The following C9orf72 variants were observed in gnomAD, a reference collection of about 807,000 sequenced individuals.
The protein encoded by C9orf72 is C9orf72-SMCR8 complex subunit.
In C9orf72, 44 loss-of-function variants were observed where a neutral mutation model predicts 51.6. The ratio of observed to expected loss-of-function variants is 0.85; its 90% CI spans 0.67 to 1.10. C9orf72 has a LOEUF of 1.10. Ranked by LOEUF, C9orf72 falls within the 50% of genes least tolerant of loss-of-function variation. The pLI is 0.00. For missense variants in C9orf72, 607 were observed against 570.6 expected (o/e 1.06, Z -0.65); for synonymous variants, 213 against 194.2 (o/e 1.10, Z -0.81).
At chr9:27,567,666 A>G (rs941270374) in intron 1 of C9orf72, among the ~76,000 whole-genome samples, 10 of 152,148 alleles carry the variant, frequency 6.6e-5, no homozygotes, top group Admixed American at 3.9e-4. Context: ...GTGTACGTGA[A>G]TGTGACCTTA....
At chr9:27,561,891 C>A (rs1819359363) in intron 4 of C9orf72, among the ~76,000 whole-genome samples, 1 of 152,134 alleles carries the variant, frequency 6.6e-6, no homozygotes, top group African/African-American at 2.4e-5. Flanking sequence ...TCTGAGCTGT[C>A]AGAATCAGGA....
At chr9:27,569,265 G>C (rs1819536201) in intron 1 of C9orf72, among the ~76,000 whole-genome samples, 2 of 152,096 alleles carry the variant, frequency 1.3e-5, no homozygotes, top group African/African-American at 2.4e-5. Flanking sequence ...AAACTGTTAA[G>C]ATAAATTTGG....
intron 9 of C9orf72, among the ~76,000 whole-genome samples, chr9:27,548,972 G>A (rs1278810003): frequency 2.0e-5 from 3 of 152,050 alleles, no homozygotes; most frequent in Non-Finnish European, 2.9e-5. Context: ...AGCCTCCCAG[G>A]TAGCTGGGAT....
chr9:27,566,659 A>T lies in C9orf72; in HGVS notation c.444+18T>A, dbSNP rs752188561. ...AACAGATAGGTTAACATGATTAATA[A>T]GCTGAAAAATCACTTACCTTATGCA... On this transcript the variant is annotated intron_variant, in intron 2 of 10. Transcript: ENST00000380003. 1.3e-6 allele frequency: 2 copies of T among 1,535,642 alleles called. No homozygotes were observed. The highest frequency in any genetic ancestry group is 2.8e-5 in the African/African-American group (2 of 72,492).
In C9orf72 at chr9:27,548,271, T is replaced by G. The variant is rs966030940; in HGVS notation, c.1411A>C (p.Ser471Arg). The change falls in exon 11 of 11, where the codon AGT becomes CGT. Residue 471 changes from serine (S) to arginine (R), a missense_variant. Physicochemically the swap from Ser to Arg is moderately radical, Grantham distance 110. Coordinates refer to ENST00000380003, the MANE Select transcript of C9orf72 (RefSeq NM_018325.5). The stretch of plus-strand genomic sequence containing the variant: ...ATTAGAACATCTCGTTCTTGCACAC[T>G]AGTGTAGAAAGGTCTTCCAAAGATA... ...SFIFGRPFYTSVQERDVLMTF is the reference protein window; with the variant it reads ...SFIFGRPFYTRVQERDVLMTF 6.2e-7 allele frequency: 1 copy of G among 1,610,838 alleles called. No individual in the cohort carries two copies. Among genetic ancestry groups the G allele is most frequent in the African/African-American group, 1.3e-5 (1 of 74,694 alleles).
At chr9:27,560,632 A>T (rs887924781) in intron 5 of C9orf72, 2 of 1,015,390 alleles carry the variant, frequency 2.0e-6, no homozygotes, top group Non-Finnish European at 2.4e-6. Flanking sequence ...GTCAAATGGG[A>T]TTTAAAATGA....
rs1819208430 is a variant in C9orf72 at position 27,556,683 on chromosome 9, T to C, written c.969A>G (p.Glu323=). 1 of 1,613,814 alleles carries C rather than the reference T, an allele frequency of 6.2e-7. No individual in the cohort carries two copies. Among genetic ancestry groups the C allele is most frequent in the South Asian group, 1.1e-5 (1 of 91,082 alleles). The part of the protein sequence containing the change: ...NTVKQMPPCH[E]HIYNQRRYMR... The stretch of plus-strand genomic sequence containing the variant: ...TGTATCTACGCTGATTATAAATATG[T>C]TCATGACAGGGTGGCATCTGCTTCA... Residue 323 remains glutamate (E), a synonymous_variant, in exon 8 of 11, where the codon GAA becomes GAG. Coordinates refer to ENST00000380003, the MANE Select transcript of C9orf72 (RefSeq NM_018325.5).
At position 27,569,238 on chromosome 9, in the gene C9orf72, A is replaced by G. The variant is rs148004230; in HGVS notation, c.-44-2074T>C. On this transcript the variant is annotated intron_variant, in intron 1 of 10. Transcript: ENST00000380003. ...AAAGTTTACAAAGTTAAAAAGTTAT[A>G]ATTTTTTATTGAAGAAAAACTGTTA... 8.8e-4 allele frequency among the ~76,000 whole-genome samples: 134 copies of G among 152,318 alleles called. No individual in the cohort carries two copies. The East Asian group carries it at 0.018, about 20-fold the overall frequency.
chr9:27,563,421 G>A (rs1165936455), intron 3 of C9orf72, among the ~76,000 whole-genome samples: 2 of 152,112 alleles, frequency 1.3e-5, no homozygotes, highest in Non-Finnish European at 2.9e-5. Context: ...GACCAACTTG[G>A]TTAAGTAAAT....
Position 27,560,425 on chromosome 9 carries a change from A to G in C9orf72, c.666-126T>C, listed in dbSNP as rs750737894. Reference sequence around the variant, plus strand: ...GCTTTATATGATAAACACCGAAGCTATAAGCACAATGTTATCTTTTATTTG... The same window carrying G: ...GCTTTATATGATAAACACCGAAGCTGTAAGCACAATGTTATCTTTTATTTG... On this transcript the variant is annotated intron_variant, in intron 5 of 10. Coordinates refer to ENST00000380003, the MANE Select transcript of C9orf72 (RefSeq NM_018325.5). The G allele has an allele frequency of 1.3e-5, 9 of 688,078 alleles. No homozygotes were observed. The Admixed American group carries it at 1.4e-4, about 11-fold the overall frequency. The allele number at this position is 688,078 out of a possible 1,614,324, so 42.6% of individuals were successfully genotyped here.
chr9:27,554,868 C>T (rs1242609458), intron 8 of C9orf72, among the ~76,000 whole-genome samples: 3 of 152,016 alleles, frequency 2.0e-5, no homozygotes, highest in African/African-American at 4.8e-5. Flanking sequence ...TTTAAAAATT[C>T]AGGATATTAT....
chr9:27,570,644 T>C (rs1012176907), intron 1 of C9orf72, among the ~76,000 whole-genome samples: 1 of 151,872 alleles, frequency 6.6e-6, no homozygotes, highest in Non-Finnish European at 1.5e-5. Flanking sequence ...GGCAGGTGGA[T>C]CACCTGAGGT....
chr9:27,560,396 A>G (rs1483943851), intron 5 of C9orf72, 97 bp from the exon 6 acceptor site: 1 of 870,962 alleles, frequency 1.1e-6, no homozygotes, highest in Non-Finnish European at 1.8e-6. Flanking sequence ...AATAACTCAG[A>G]ATAGCTTTAT....
intron 3 of C9orf72, among the ~76,000 whole-genome samples, chr9:27,564,309 A>C (rs1819417904): frequency 6.6e-6 from 1 of 152,162 alleles, no homozygotes; most frequent in Non-Finnish European, 1.5e-5. Context: ...TAAAAGAGAG[A>C]CCAAAATTCA....
intron 1 of C9orf72, 70 bp from the exon 2 acceptor site, chr9:27,567,234 A>T (rs968188957): frequency 2.3e-6 from 2 of 871,780 alleles, no homozygotes; most frequent in Non-Finnish European, 3.5e-6. Flanking sequence ...ACCCCAAATG[A>T]TTTAGACATA....
At chr9:27,563,335 A>T (rs929297435) in intron 3 of C9orf72, among the ~76,000 whole-genome samples, 1 of 152,204 alleles carries the variant, frequency 6.6e-6, no homozygotes, top group African/African-American at 2.4e-5. Context: ...AGTATAACAC[A>T]TCACAAATGT....
At chr9:27,567,237 T>G in intron 1 of C9orf72, 73 bp from the exon 2 acceptor site, 1 of 878,420 alleles carries the variant, frequency 1.1e-6, no homozygotes, top group South Asian at 1.7e-5. Context: ...CCAAATGATT[T>G]AGACATATTT....
intron 3 of C9orf72, among the ~76,000 whole-genome samples, chr9:27,563,898 T>G (rs922047650): frequency 6.6e-6 from 1 of 152,162 alleles, no homozygotes; most frequent in Non-Finnish European, 1.5e-5. Flanking sequence ...TTTCCTTCCC[T>G]GTGAAGCAAT....
intron 1 of C9orf72, among the ~76,000 whole-genome samples, chr9:27,572,985 C>T (rs1314023627): frequency 6.6e-6 from 1 of 152,194 alleles, no homozygotes; most frequent in Non-Finnish European, 1.5e-5. Context: ...ATCTCCTCGC[C>T]GGCAGGGACC....
Sources: allele counts gnomAD v4.1 joint callset (sites outside exome capture counted in the v4.1 genomes callset), GRCh38; gene constraint gnomAD v4.1.1; transcripts MANE v1.5; gene names NCBI Gene and HGNC (gene_info 2026-07-23, HGNC 2026-07-21).